ZNF624: variants seen among roughly 807,000 people sequenced by gnomAD.
ZNF624 encodes the protein zinc finger protein 624.
A neutral mutation model predicts 74.7 loss-of-function variants in ZNF624; 43 were observed. That is an observed-to-expected ratio of 0.58 (90% confidence interval 0.45 to 0.74). ZNF624 has a LOEUF of 0.74. Ranked by LOEUF, ZNF624 falls within the 30% of genes least tolerant of loss-of-function variation. ZNF624 has a pLI of 0.00. For synonymous variants in ZNF624, 331 were observed against 341.3 expected (o/e 0.97, Z 0.33); for missense variants, 820 against 1,030.0 (o/e 0.80, Z 2.79).
chr17:16,636,065 A>G (rs1909322890), intron 3 of ZNF624, among the ~76,000 whole-genome samples: 1 of 152,232 alleles, frequency 6.6e-6, no homozygotes, highest in Non-Finnish European at 1.5e-5. Flanking sequence ...TACTAGGGTC[A>G]TATCTAAGAC....
rs1401189650 is a variant in ZNF624 at position 16,621,451 on chromosome 17, T to C, written c.*837A>G. 1 of 152,252 alleles carries C rather than the reference T, an allele frequency of 6.6e-6. No individual in the cohort carries two copies. Among genetic ancestry groups the C allele is most frequent in the Non-Finnish European group, 1.5e-5 (1 of 68,052 alleles). The allele number at this position is 152,252 out of a possible 1,614,324, so 9.4% of individuals were successfully genotyped here. ...CTGCTGGGTCTAAGAGTATATATGT[T>C]TTAAATTTTTAAACATATATTGTTG... On this transcript the variant is annotated 3_prime_UTR_variant, in exon 6 of 6. Transcript: ENST00000311331.
chr17:16,617,928 C>G, downstream of ZNF624: 2 of 1,250,848 alleles, frequency 1.6e-6, no homozygotes, highest in South Asian at 1.3e-5. Context: ...AACGGCGGAC[C>G]GCAAGCCAGT....
intron 3 of ZNF624, among the ~76,000 whole-genome samples, chr17:16,638,135 A>C (rs1356388073): frequency 6.6e-6 from 1 of 152,252 alleles, no homozygotes; most frequent in Non-Finnish European, 1.5e-5. Context: ...ACTGGCCATC[A>C]GAGAAATGCA....
intron 5 of ZNF624, among the ~76,000 whole-genome samples, chr17:16,626,699 C>T (rs1381457023): frequency 4.6e-5 from 7 of 152,196 alleles, no homozygotes; most frequent in Admixed American, 3.9e-4. Flanking sequence ...CTGCAGTGAG[C>T]TATGATTGCA....
chr17:16,627,359 C>G (rs1221061435), intron 5 of ZNF624, among the ~76,000 whole-genome samples: 1 of 152,124 alleles, frequency 6.6e-6, no homozygotes, highest in Non-Finnish European at 1.5e-5. Context: ...GCATAAAAAA[C>G]AGAATAAAAA....
chr17:16,617,611 A>G, downstream of ZNF624: 1 of 1,594,408 alleles, frequency 6.3e-7, no homozygotes, highest in Non-Finnish European at 8.6e-7. Flanking sequence ...CGACTGCTGT[A>G]TCCACCTCCA....
downstream of ZNF624, chr17:16,616,804 GA>G: frequency 1.1e-6 from 1 of 912,442 alleles, no homozygotes; most frequent in Non-Finnish European, 1.7e-6. Context: ...GCCTAAGCAG[GA>G]AAGTGTTCCA....
At chr17:16,648,988 T>C (rs927026952) in intron 2 of ZNF624, among the ~76,000 whole-genome samples, 2 of 152,182 alleles carry the variant, frequency 1.3e-5, no homozygotes, top group African/African-American at 2.4e-5. Context: ...AATCTAACTA[T>C]CCTTATGAAC....
downstream of ZNF624, chr17:16,616,984 C>T (rs1908804237): frequency 1.2e-6 from 2 of 1,602,574 alleles, no homozygotes; most frequent in South Asian, 1.1e-5. Context: ...CGAATTGGAA[C>T]GGGACTGGCT....
At chr17:16,638,441 A>C (rs1351698017) in intron 3 of ZNF624, among the ~76,000 whole-genome samples, 1 of 152,204 alleles carries the variant, frequency 6.6e-6, no homozygotes, top group East Asian at 1.9e-4. Flanking sequence ...ACTACTCACA[A>C]TAGCAGACTT....
chr17:16,643,988 AATG>A (rs1330674438), intron 3 of ZNF624, among the ~76,000 whole-genome samples: 1 of 152,140 alleles, frequency 6.6e-6, no homozygotes, highest in Non-Finnish European at 1.5e-5. Flanking sequence ...TCCTCATGGT[AATG>A]AGTGAGTTCT....
intron 5 of ZNF624, among the ~76,000 whole-genome samples, chr17:16,628,775 T>TA (rs373568155): frequency 0.066 from 9,180 of 138,952 alleles, 309 homozygotes; most frequent in Middle Eastern, 0.11. Context: ...CCACAAGAGA[T>TA]AAAAAAAAAA....
At chr17:16,635,052 C>CTGG (rs1909295277) in intron 3 of ZNF624, among the ~76,000 whole-genome samples, 1 of 152,192 alleles carries the variant, frequency 6.6e-6, no homozygotes, top group Non-Finnish European at 1.5e-5. Context: ...TGGAGTCAAA[C>CTGG]AGCACGGTTT....
chr17:16,615,439 T>C, the ZNF624 span, among the ~76,000 whole-genome samples: 1 of 152,216 alleles, frequency 6.6e-6, no homozygotes, highest in African/African-American at 2.4e-5. Flanking sequence ...TGGAGATGGA[T>C]AGTTGCACAA....
chr17:16,645,321 G>A (rs879590518), intron 3 of ZNF624, among the ~76,000 whole-genome samples: 7 of 152,004 alleles, frequency 4.6e-5, no homozygotes, highest in Admixed American at 1.3e-4. Context: ...GCCTAGTCCC[G>A]GTTACTGGGA....
chr17:16,629,287 G>C (rs924970094), intron 5 of ZNF624, among the ~76,000 whole-genome samples: 4 of 149,308 alleles, frequency 2.7e-5, no homozygotes, highest in Non-Finnish European at 4.4e-5. Flanking sequence ...GGAGTGCAGT[G>C]GATTGGATTA....
downstream of ZNF624, chr17:16,617,802 C>T: frequency 6.2e-7 from 1 of 1,611,768 alleles, no homozygotes; most frequent in Admixed American, 1.7e-5. Context: ...TTCGAGGAGG[C>T]GGCCATAGCC....
intron 3 of ZNF624, among the ~76,000 whole-genome samples, chr17:16,635,691 T>C (rs4239135): frequency 0.32 from 49,188 of 151,916 alleles, 10,500 homozygotes; most frequent in African/African-American, 0.6. Context: ...GACAGACATG[T>C]TATTGTTTAA....
downstream of ZNF624, among the ~76,000 whole-genome samples, chr17:16,620,524 T>C (rs1908882829): frequency 6.6e-6 from 1 of 152,236 alleles, no homozygotes; most frequent in African/African-American, 2.4e-5. Flanking sequence ...GGCACATTTT[T>C]CATCTATCTG....
Sources: allele counts gnomAD v4.1 joint callset (sites outside exome capture counted in the v4.1 genomes callset), GRCh38; gene constraint gnomAD v4.1.1; transcripts MANE v1.5; gene names NCBI Gene and HGNC (gene_info 2026-07-23, HGNC 2026-07-21).